The following AVL9 variants were observed in gnomAD, a reference collection of about 807,000 sequenced individuals.
The protein encoded by AVL9 is late secretory pathway protein AVL9 homolog.
In AVL9, 49 loss-of-function variants were observed where a neutral mutation model predicts 79.2. That is an observed-to-expected ratio of 0.62 (90% CI 0.49 to 0.79). AVL9 has a LOEUF of 0.79. AVL9 is among the 30% of genes least tolerant of loss of function. The pLI is 0.00. For synonymous variants in AVL9, 299 were observed against 280.6 expected, an observed-to-expected ratio of 1.07 and a Z score of -0.65; for missense variants, 682 against 776.8, an observed-to-expected ratio of 0.88 and a Z score of 1.45.
chr7:32,537,490 A>T (rs1351474504), intron 1 of AVL9: 7 of 117,546 alleles, frequency 6.0e-5, no homozygotes, highest in Non-Finnish European at 8.2e-5. Context: ...TTTTAGACAG[A>T]GTCTCTCTGT....
intron 1 of AVL9, among the ~76,000 whole-genome samples, chr7:32,523,376 T>C (rs1265932183): frequency 2.0e-5 from 3 of 151,966 alleles, no homozygotes; most frequent in Non-Finnish European, 4.4e-5. Flanking sequence ...AAAAGAGCCT[T>C]AGTCCCTTGG....
chr7:32,524,543 C>CAT (rs1199967633), intron 1 of AVL9, among the ~76,000 whole-genome samples: 85 of 120,810 alleles, frequency 7.0e-4, no homozygotes, highest in African/African-American at 2.4e-3. Context: ...CACACACACA[C>CAT]ACACACACAC....
At chr7:32,566,650 G>A (rs1243140866) in intron 10 of AVL9, among the ~76,000 whole-genome samples, 14 of 150,456 alleles carry the variant, frequency 9.3e-5, no homozygotes, top group African/African-American at 2.3e-4. Flanking sequence ...AGACCGAGGC[G>A]GGCAGATCAC....
intron 1 of AVL9, among the ~76,000 whole-genome samples, chr7:32,502,485 C>A (rs1787186840): frequency 6.7e-6 from 1 of 149,514 alleles, no homozygotes; most frequent in Admixed American, 6.7e-5. Flanking sequence ...TAATATTTTT[C>A]TGTATTAGTA....
At chr7:32,523,296 A>G (rs1280000840) in intron 1 of AVL9, among the ~76,000 whole-genome samples, 2 of 151,590 alleles carry the variant, frequency 1.3e-5, no homozygotes, top group Non-Finnish European at 2.9e-5. Flanking sequence ...GGCAGAGTTT[A>G]TCATGAGAAA....
rs1165221986 is a variant in AVL9, at chr7:32,580,782, T to G, written c.1743-20T>G. ...TTTAAAATTGTACCTAACACTTCTT[T>G]TATCTTATCTTTTACCCAGTTCTGT... On this transcript the variant is annotated intron_variant, in intron 14 of 15. Coordinates refer to ENST00000318709, the MANE Select transcript of AVL9 (RefSeq NM_015060.3). 1.3e-6 allele frequency: 2 copies of G among 1,597,930 alleles called. No individual in the cohort carries two copies. Among genetic ancestry groups the G allele is most frequent in the Non-Finnish European group, 1.7e-6 (2 of 1,166,916 alleles).
At position 32,585,163 on chromosome 7, in the gene AVL9, T is replaced by C. The variant is rs1791718957; in HGVS notation, c.*1256T>C. The C allele has an allele frequency of 6.6e-6, 1 of 152,220 alleles. No individual in the cohort carries two copies. The highest frequency in any genetic ancestry group is 2.1e-4 in the South Asian group (1 of 4,830). The allele number at this position is 152,220 out of a possible 1,614,324, so 9.4% of individuals were successfully genotyped here. ...TAAAGCTTTTCAAAGCACTTAGTCT[T>C]CTACTTCCCTAACTGAAAGTCCTCC... On this transcript the variant is annotated 3_prime_UTR_variant, in exon 16 of 16. Transcript: ENST00000318709.
intron 3 of AVL9, among the ~76,000 whole-genome samples, chr7:32,545,841 A>G (rs184829619): frequency 2.2e-4 from 33 of 152,176 alleles, no homozygotes; most frequent in African/African-American, 7.7e-4. Context: ...GGTCATTAAT[A>G]CTCTAAAGTA....
rs1303678682 is a variant in AVL9 at position 32,495,858 on chromosome 7, G to T, written c.93+56G>T. ...CGTTCGGGCGTTCGCCCCTTCCGGG[G>T]CCCCCCTGCCCTGCTTCTGTGTGCT... On this transcript the variant is annotated intron_variant, in intron 1 of 15. Coordinates refer to ENST00000318709, the MANE Select transcript of AVL9 (RefSeq NM_015060.3). The T allele has an allele frequency of 7.1e-6, 8 of 1,132,754 alleles. No homozygotes were observed. In the South Asian group the frequency reaches 2.5e-4, roughly 35 times the overall value. The allele number at this position is 1,132,754 out of a possible 1,614,324, so 70.2% of individuals were successfully genotyped here. A position where few individuals can be genotyped will look rare whatever the true frequency, so the allele number is the denominator to read the frequency against.
intron 1 of AVL9, among the ~76,000 whole-genome samples, chr7:32,540,871 C>CTTTTTTTTTTTTTT (rs749306635): frequency 1.4e-5 from 1 of 72,468 alleles, no homozygotes; most frequent in Non-Finnish European, 2.6e-5. Flanking sequence ...TGTTGTACTA[C>CTTTTTTTTTTTTTT]TTTTTTTTTT....
chr7:32,559,017 A>G lies in AVL9; in HGVS notation c.768A>G (p.Pro256=), dbSNP rs537824210. The G allele has an allele frequency of 6.9e-5, 111 of 1,614,108 alleles. No individual in the cohort carries two copies. The Admixed American group carries it at 1.8e-3, about 26-fold the overall frequency. Residue 256 remains proline (P), a synonymous_variant, in exon 10 of 16, where the codon CCA becomes CCG. Transcript: ENST00000318709. ...ATGGTGGGCTTCAGGAAAGTAACCC[A>G]TGTGCAGATGATTTTGTTTCTGCAT... ...SEDGGLQESN[P]CADDFVSAST...
At chr7:32,545,477 C>T (rs1040099222) in intron 3 of AVL9, among the ~76,000 whole-genome samples, 1 of 149,838 alleles carries the variant, frequency 6.7e-6, no homozygotes. Context: ...TCAAGCCCTC[C>T]TCCCATCTCA....
chr7:32,522,122 G>A (rs951418455), intron 1 of AVL9, among the ~76,000 whole-genome samples: 1 of 152,222 alleles, frequency 6.6e-6, no homozygotes, highest in Non-Finnish European at 1.5e-5. Flanking sequence ...GGGCAGTGTG[G>A]AAGGGAAATG....
At chr7:32,513,894 A>C (rs1365063772) in intron 1 of AVL9, among the ~76,000 whole-genome samples, 1 of 152,208 alleles carries the variant, frequency 6.6e-6, no homozygotes. Context: ...CTGTGTCATA[A>C]ATAAGGAAAG....
intron 10 of AVL9, among the ~76,000 whole-genome samples, chr7:32,566,999 T>C (rs546361021): frequency 1.0e-3 from 152 of 152,320 alleles, no homozygotes; most frequent in African/African-American, 3.5e-3. Context: ...GCCATTTCTT[T>C]GTTTGGCTTT....
chr7:32,550,097 G>C (rs1172580202), intron 4 of AVL9, among the ~76,000 whole-genome samples: 4 of 152,116 alleles, frequency 2.6e-5, no homozygotes, highest in Admixed American at 2.6e-4. Context: ...AGAAGAGTAA[G>C]AGTACCAGAT....
intron 13 of AVL9, among the ~76,000 whole-genome samples, chr7:32,578,672 G>C (rs1245489386): frequency 6.6e-6 from 1 of 152,024 alleles, no homozygotes; most frequent in Non-Finnish European, 1.5e-5. Flanking sequence ...AGCCGGGTGT[G>C]GTGGTACATG....
Position 32,585,502 on chromosome 7 carries a change from CT to C in AVL9, c.*1599del. 1 of 152,244 alleles carries C rather than the reference CT, an allele frequency of 6.6e-6. No homozygotes were observed. Among genetic ancestry groups the C allele is most frequent in the African/African-American group, 2.4e-5 (1 of 41,550 alleles). The allele number at this position is 152,244 out of a possible 1,614,324, so 9.4% of individuals were successfully genotyped here. ...AGAGTACTTACGGGGAACAGACTGC[CT>C]TTTAGTAACAAGGGATACTTGGGAA... On this transcript the variant is annotated 3_prime_UTR_variant, in exon 16 of 16. Coordinates refer to ENST00000318709, the MANE Select transcript of AVL9 (RefSeq NM_015060.3).
chr7:32,523,601 C>T (rs995674400), intron 1 of AVL9, among the ~76,000 whole-genome samples: 5 of 145,518 alleles, frequency 3.4e-5, no homozygotes, highest in South Asian at 2.2e-4. Flanking sequence ...CTGCAGCCTC[C>T]GCCTTCTGGG....
Sources: allele counts gnomAD v4.1 joint callset (sites outside exome capture counted in the v4.1 genomes callset), GRCh38; gene constraint gnomAD v4.1.1; transcripts MANE v1.5; gene names NCBI Gene and HGNC (gene_info 2026-07-23, HGNC 2026-07-21).